TPRG1: variants seen among roughly 807,000 people sequenced by gnomAD.
TPRG1 encodes the protein tumor protein p63-regulated gene 1 protein.
A neutral mutation model predicts 29.3 loss-of-function variants in TPRG1; 29 were observed. That is an observed-to-expected ratio of 0.99 (90% CI 0.74 to 1.35). The LOEUF (loss-of-function observed/expected upper bound fraction) is 1.35. Among genes scored for constraint, TPRG1 ranks in the 40% most tolerant of loss-of-function variants. TPRG1 has a pLI of 0.00. For synonymous variants in TPRG1, 130 were observed against 116.8 expected (o/e 1.11, Z -0.73); for missense variants, 327 against 335.0 (o/e 0.98, Z 0.19).
rs1345574722 is a variant in TPRG1 at position 189,322,682 on chromosome 3, T to C, written c.*1862T>C. The C allele has an allele frequency of 6.6e-6, 1 of 152,564 alleles. No homozygotes were observed. Among genetic ancestry groups the C allele is most frequent in the African/African-American group, 2.4e-5 (1 of 41,426 alleles). 9.5% of individuals were successfully genotyped at this position (152,564 alleles called of 1,614,324 possible). A position where few individuals can be genotyped will look rare whatever the true frequency, so the allele number is the denominator to read the frequency against. ...AAATGTCCAGCACATTCTTTTGAGT[T>C]ACCATTTAAGGATCAGCCTGACAAT... is the stretch of plus-strand genomic sequence containing the variant. On this transcript the variant is annotated 3_prime_UTR_variant, in exon 6 of 6. Coordinates refer to ENST00000345063, the MANE Select transcript of TPRG1 (RefSeq NM_198485.4).
intron 4 of TPRG1, among the ~76,000 whole-genome samples, chr3:189,298,694 T>C (rs1007523990): frequency 6.6e-6 from 1 of 152,186 alleles, no homozygotes; most frequent in Non-Finnish European, 1.5e-5. Flanking sequence ...GGCCATAACC[T>C]AGAGAGTGTG....
At chr3:189,185,326 C>A (rs563986164) in intron 1 of TPRG1, among the ~76,000 whole-genome samples, 1 of 152,020 alleles carries the variant, frequency 6.6e-6, no homozygotes, top group Non-Finnish European at 1.5e-5. Context: ...CAGGCTCAAG[C>A]GATCCTCCCA....
intron 4 of TPRG1, among the ~76,000 whole-genome samples, chr3:189,085,943 T>G (rs1717906474): frequency 1.3e-5 from 2 of 152,170 alleles, no homozygotes; most frequent in African/African-American, 4.8e-5. Flanking sequence ...ACTAACAGGA[T>G]AGATGTATAT....
chr3:189,169,078 T>C (rs746059657), upstream of TPRG1, among the ~76,000 whole-genome samples: 5 of 152,210 alleles, frequency 3.3e-5, no homozygotes, highest in Non-Finnish European at 5.9e-5. Context: ...ATACCAGTGT[T>C]TCCTAACCTA....
At position 189,108,630 on chromosome 3, in the gene TPRG1, C is replaced by A. The variant is rs1024444240; in HGVS notation, c.-744+8426C>A. ...TATGTGCATTCTTTTTCACTTAGTTCACACATTATTCCATATACTAAAAAT... is the reference window on the plus strand; with the variant it reads ...TATGTGCATTCTTTTTCACTTAGTTAACACATTATTCCATATACTAAAAAT... On this transcript the variant is annotated intron_variant, in intron 1 of 6. Coordinates refer to the TPRG1 transcript ENST00000412373. 2.0e-5 allele frequency among the ~76,000 whole-genome samples: 3 copies of A among 150,374 alleles called. No homozygotes were observed. The Admixed American group carries it at 2.0e-4, about 10-fold the overall frequency.
At chr3:189,233,269 C>A (rs1738964639) in intron 3 of TPRG1, among the ~76,000 whole-genome samples, 2 of 151,714 alleles carry the variant, frequency 1.3e-5, no homozygotes, top group Non-Finnish European at 2.9e-5. Context: ...TATTTCCAAA[C>A]CACAAAATAA....
At chr3:189,122,719 G>A (rs1578428878) in intron 1 of TPRG1, among the ~76,000 whole-genome samples, 1 of 152,172 alleles carries the variant, frequency 6.6e-6, no homozygotes, top group Non-Finnish European at 1.5e-5. Context: ...TATTACTAAT[G>A]ATGCTGCTCC....
At chr3:189,206,115 C>T (rs1033897999) in intron 1 of TPRG1, among the ~76,000 whole-genome samples, 3 of 135,360 alleles carry the variant, frequency 2.2e-5, no homozygotes, top group Admixed American at 7.6e-5. Flanking sequence ...TTTCTTTCTT[C>T]TCTTTTTTCC....
intron 3 of TPRG1, among the ~76,000 whole-genome samples, chr3:189,022,111 G>A (rs1009725530): frequency 2.0e-5 from 3 of 152,114 alleles, no homozygotes; most frequent in African/African-American, 4.8e-5. Context: ...CTCTGTATTG[G>A]TTATTCTAGT....
chr3:189,182,429 G>A (rs909165746), intron 1 of TPRG1, among the ~76,000 whole-genome samples: 1 of 152,106 alleles, frequency 6.6e-6, no homozygotes, highest in African/African-American at 2.4e-5. Context: ...TGACTAACAT[G>A]TTTTAAACAG....
At chr3:189,057,833 CAT>C (rs945269747) in intron 4 of TPRG1, among the ~76,000 whole-genome samples, 13 of 116,078 alleles carry the variant, frequency 1.1e-4, no homozygotes, top group East Asian at 9.2e-4. Context: ...TATATACACA[CAT>C]ATGTATGTGT....
intron 1 of TPRG1, among the ~76,000 whole-genome samples, chr3:189,189,925 G>A (rs1731452766): frequency 6.6e-6 from 1 of 152,188 alleles, no homozygotes; most frequent in African/African-American, 2.4e-5. Context: ...TGCAGGAGAA[G>A]AAATAAGGAA....
intron 3 of TPRG1, among the ~76,000 whole-genome samples, chr3:189,216,577 G>A (rs1179588864): frequency 6.6e-6 from 1 of 152,184 alleles, no homozygotes; most frequent in Non-Finnish European, 1.5e-5. Context: ...AGGCCCAAAT[G>A]AGATAACGTT....
intron 5 of TPRG1, among the ~76,000 whole-genome samples, chr3:189,161,012 G>C (rs182820751): frequency 1.3e-5 from 2 of 152,314 alleles, no homozygotes; most frequent in Non-Finnish European, 2.9e-5. Flanking sequence ...CTGTGGCATG[G>C]CCTGGACACA....
Position 189,324,073 on chromosome 3 carries a change from T to C in TPRG1, c.*3253T>C, listed in dbSNP as rs1013698139. ...TTGGGCCTGTTTGGAGGCCTGACCTTTGGTCATCTTAAGGTCATCTAAGGC... is the reference window on the plus strand; with the variant it reads ...TTGGGCCTGTTTGGAGGCCTGACCTCTGGTCATCTTAAGGTCATCTAAGGC... On this transcript the variant is annotated 3_prime_UTR_variant, in exon 6 of 6. Transcript: ENST00000345063. 1 of 152,106 alleles carries C rather than the reference T, an allele frequency of 6.6e-6. No homozygotes were observed. Among genetic ancestry groups the C allele is most frequent in the African/African-American group, 2.4e-5 (1 of 41,414 alleles). The allele number at this position is 152,106 out of a possible 1,614,324, so 9.4% of individuals were successfully genotyped here.
chr3:189,206,828 T>TGTGTGTGTGTGTGTGTGTGTGC (rs1001912347), intron 1 of TPRG1, among the ~76,000 whole-genome samples: 14 of 151,780 alleles, frequency 9.2e-5, no homozygotes, highest in South Asian at 4.2e-4. Context: ...TGTGTGTGTG[T>TGTGTGTGTGTGTGTGTGTGTGC]GCACGCGTGT....
At chr3:189,252,740 A>G (rs1354733068) in intron 4 of TPRG1, among the ~76,000 whole-genome samples, 1 of 152,194 alleles carries the variant, frequency 6.6e-6, no homozygotes, top group Non-Finnish European at 1.5e-5. Context: ...GACCTAACTC[A>G]TAGGGTCATT....
At chr3:189,087,411 T>C (rs1008393150) in intron 4 of TPRG1, among the ~76,000 whole-genome samples, 6 of 152,194 alleles carry the variant, frequency 3.9e-5, no homozygotes, top group African/African-American at 1.4e-4. Context: ...TATTAGCCCT[T>C]TGTCAGATGA....
intron 3 of TPRG1, among the ~76,000 whole-genome samples, chr3:189,134,063 A>G (rs1277391464): frequency 6.6e-6 from 1 of 152,148 alleles, no homozygotes; most frequent in Non-Finnish European, 1.5e-5. Flanking sequence ...TATTCAACCC[A>G]TAGTTTCTTT....
Sources: gnomAD v4.1 joint callset for allele counts (sites outside exome capture counted in the v4.1 genomes callset) on GRCh38, gnomAD v4.1.1 for gene constraint, MANE v1.5 for transcripts, NCBI Gene and HGNC (gene_info 2026-07-23, HGNC 2026-07-21) for gene names.